The following VPS13C variants were observed in gnomAD, a reference collection of about 807,000 sequenced individuals.
VPS13C encodes intermembrane lipid transfer protein VPS13C.
In VPS13C, 358 loss-of-function variants were observed where a neutral mutation model predicts 456.8. The ratio of observed to expected loss-of-function variants is 0.78; its 90% CI spans 0.72 to 0.86. The LOEUF (loss-of-function observed/expected upper bound fraction) is 0.86, where lower values mean the gene tolerates loss of function less well. Ranked by LOEUF, VPS13C falls within the 40% of genes least tolerant of loss-of-function variation. VPS13C has a pLI of 0.00. For synonymous variants in VPS13C, 1,578 were observed against 1,486.7 expected (o/e 1.06, Z -1.41); for missense variants, 4,818 against 4,385.4 (o/e 1.10, Z -2.79).
rs747812804 is a variant in VPS13C at position 61,966,088 on chromosome 15, C to G, written c.3046G>C (p.Val1016Leu). Residue 1016 changes from valine to leucine, a missense_variant, in exon 30 of 85, where the codon GTT becomes CTT. Transcript: ENST00000644861. ...CCTTTAACAGAATTTCTTACCTTAA[C>G]TGTTTGTTCAGTTTTTCCAAAAGCA... ...QTAFGKTEQT[V>L]KVAFSSLNLL... The G allele has an allele frequency of 1.9e-6, 3 of 1,600,198 alleles. No individual in the cohort carries two copies. The highest frequency in any genetic ancestry group is 3.4e-5 in the Admixed American group (2 of 58,958).
intron 78 of VPS13C, 126 bp downstream of exon 78, chr15:61,873,120 T>A (rs1447440780): frequency 2.9e-6 from 4 of 1,400,332 alleles, no homozygotes; most frequent in Non-Finnish European, 3.8e-6. Flanking sequence ...GGGAAGTCCA[T>A]CATTTATCAT....
At chr15:62,048,159 G>C (rs1478921289) in intron 1 of VPS13C, among the ~76,000 whole-genome samples, 1 of 150,464 alleles carries the variant, frequency 6.6e-6, no homozygotes, top group Admixed American at 6.6e-5. Flanking sequence ...CAATGTGCAG[G>C]TTTGTTACAT....
At chr15:61,861,255 C>T (rs1366943871) in intron 82 of VPS13C, among the ~76,000 whole-genome samples, 1 of 152,102 alleles carries the variant, frequency 6.6e-6, no homozygotes, top group Non-Finnish European at 1.5e-5. Context: ...TAAGCCACCA[C>T]ACCCAGCCTA....
intron 74 of VPS13C, among the ~76,000 whole-genome samples, chr15:61,877,626 A>T (rs560892272): frequency 6.6e-6 from 1 of 151,886 alleles, no homozygotes; most frequent in South Asian, 2.1e-4. Flanking sequence ...CCAAAAAGAG[A>T]ACTACTGAGT....
At chr15:61,950,812 G>T in intron 40 of VPS13C, 133 bp downstream of exon 40, 2 of 630,894 alleles carry the variant, frequency 3.2e-6, no homozygotes, top group Non-Finnish European at 5.2e-6. Context: ...ATTTTCAGAT[G>T]CTTGCAAAAT....
intron 2 of VPS13C, among the ~76,000 whole-genome samples, chr15:62,043,144 T>G (rs1336496270): frequency 6.6e-6 from 1 of 151,980 alleles, no homozygotes. Context: ...TAAAAAGTTG[T>G]AGCTTCCTAT....
At chr15:61,973,982 C>G (rs2045630540) in intron 25 of VPS13C, among the ~76,000 whole-genome samples, 1 of 152,050 alleles carries the variant, frequency 6.6e-6, no homozygotes, top group African/African-American at 2.4e-5. Context: ...AATTTCATTT[C>G]AAAGTAGATA....
At chr15:61,958,245 C>A (rs1271055952) in intron 37 of VPS13C, among the ~76,000 whole-genome samples, 1 of 151,984 alleles carries the variant, frequency 6.6e-6, no homozygotes, top group African/African-American at 2.4e-5. Flanking sequence ...TACTACCAAG[C>A]CTTATTGAAA....
At chr15:61,918,505 CTATAT>C (rs2043544940) in intron 58 of VPS13C, among the ~76,000 whole-genome samples, 1 of 151,872 alleles carries the variant, frequency 6.6e-6, no homozygotes, top group South Asian at 2.1e-4. Context: ...TAGTATTAGT[CTATAT>C]TATCTTTCAA....
intron 81 of VPS13C, chr15:61,864,362 A>C: frequency 1.1e-6 from 1 of 896,060 alleles, no homozygotes; most frequent in Non-Finnish European, 1.3e-6. Context: ...AAGTACTGTG[A>C]CTTGAATTAG....
chr15:61,867,882 T>C lies in VPS13C; in HGVS notation c.10863+777A>G, dbSNP rs1295477726. The C allele has an allele frequency of 2.5e-6, 4 of 1,601,408 alleles. No individual in the cohort carries two copies. Among genetic ancestry groups the C allele is most frequent in the Non-Finnish European group, 3.4e-6 (4 of 1,174,164 alleles). Reference sequence around the variant, plus strand: ...CAGTCAATTAACACCACAGTTTGTTTTGATTTTTAAGGATGAAATCAAGTA... The same window carrying C: ...CAGTCAATTAACACCACAGTTTGTTCTGATTTTTAAGGATGAAATCAAGTA... On this transcript the variant is annotated intron_variant, in intron 81 of 84. Transcript: ENST00000644861. The surrounding 1 kb of genome is among the most constrained non-coding windows in gnomAD (Gnocchi z 5.0).
At chr15:61,868,619 A>G (rs1894765725) in intron 81 of VPS13C, 40 bp downstream of exon 81, 1 of 1,573,468 alleles carries the variant, frequency 6.4e-7, no homozygotes, top group Middle Eastern at 1.7e-4. Flanking sequence ...GAAATCATTA[A>G]AATTCCATTT....
In VPS13C at chr15:61,917,489, G is replaced by C; in HGVS notation, c.7907C>G (p.Pro2636Arg). The change falls in exon 60 of 85, where the codon CCT becomes CGT. Residue 2636 changes from proline (P) to arginine (R), a missense_variant. Coordinates refer to ENST00000644861, the MANE Select transcript of VPS13C (RefSeq NM_020821.3). ...QCPSVEVSFL[P>R]LIVNTVALPD... ...CAGAGCAACTGTATTCACTATGAGA[G>C]GTAAGAAGCTGACTTCTACTGATGG... is the stretch of plus-strand genomic sequence containing the variant. 1.2e-6 allele frequency: 2 copies of C among 1,614,008 alleles called. No individual in the cohort carries two copies. The highest frequency in any genetic ancestry group is 4.5e-5 in the East Asian group (2 of 44,868).
At chr15:61,958,419 G>C (rs2045080845) in intron 37 of VPS13C, among the ~76,000 whole-genome samples, 189 bp downstream of exon 37, 1 of 152,020 alleles carries the variant, frequency 6.6e-6, no homozygotes, top group Non-Finnish European at 1.5e-5. Context: ...AACTATAACT[G>C]ACAACTTAGC....
chr15:62,013,237 T>TAAAGGAAAGAC, intron 10 of VPS13C, 118 bp from the exon 11 acceptor site: 1 of 568,222 alleles, frequency 1.8e-6, no homozygotes, highest in Non-Finnish European at 2.9e-6. Context: ...TTTGAATTTT[T>TAAAGGAAAGAC]AAAGGAAAGA....
rs1895805256 is a variant in VPS13C at position 61,880,965 on chromosome 15, A to G, written c.9777-11T>C. Reference sequence around the variant, plus strand: ...AGGACCATAAAATACCTAAGAAAAAAAATTTAAAATGGAAAAGGATTTCTA... The same window carrying G: ...AGGACCATAAAATACCTAAGAAAAAGAATTTAAAATGGAAAAGGATTTCTA... On this transcript the variant is annotated splice_polypyrimidine_tract_variant and intron_variant, in intron 71 of 84. Transcript: ENST00000644861. The G allele has an allele frequency of 1.3e-6, 2 of 1,563,154 alleles. No homozygotes were observed. Among genetic ancestry groups the G allele is most frequent in the Admixed American group, 4.1e-5 (2 of 48,490 alleles).
Position 61,984,873 on chromosome 15 carries a change from C to G in VPS13C, c.1705G>C (p.Gly569Arg). The G allele has an allele frequency of 6.2e-7, 1 of 1,613,148 alleles. No homozygotes were observed. The highest frequency in any genetic ancestry group is 8.5e-7 in the Non-Finnish European group (1 of 1,179,762). ...AAAACTTACTTAAGTGCTTGTGCTC[C>G]TGGTCGCTGAGATACTTGAGTGCCC... The part of the protein sequence containing the change: ...GLGTQVSQRP[G>R]AQALKVEAKL... The change falls in exon 19 of 85, where the codon GGA becomes CGA. Residue 569 changes from glycine to arginine, a missense_variant. Coordinates refer to ENST00000644861, the MANE Select transcript of VPS13C (RefSeq NM_020821.3).
chr15:61,994,022 A>G (rs2046302067), intron 16 of VPS13C, among the ~76,000 whole-genome samples: 1 of 152,172 alleles, frequency 6.6e-6, no homozygotes, highest in African/African-American at 2.4e-5. Flanking sequence ...TAAGATGAAG[A>G]CGGATGCAGA....
intron 5 of VPS13C, among the ~76,000 whole-genome samples, chr15:62,031,622 G>A (rs2047823312): frequency 6.6e-6 from 1 of 151,832 alleles, no homozygotes; most frequent in African/African-American, 2.4e-5. Context: ...AAAACTGAGT[G>A]TTAAAAGAGT....
Sources: gnomAD v4.1 joint callset for allele counts (sites outside exome capture counted in the v4.1 genomes callset) on GRCh38, gnomAD v4.1.1 for gene constraint, Gnocchi (gnomAD v3.1) non-coding constraint, MANE v1.5 for transcripts, NCBI Gene and HGNC (gene_info 2026-07-23, HGNC 2026-07-21) for gene names.